The following DCC variants were observed in gnomAD, a reference collection of about 807,000 sequenced individuals.
DCC encodes the protein DCC netrin 1 receptor.
In DCC, 58 loss-of-function variants were observed where a neutral mutation model predicts 172.5. The observed-to-expected ratio is 0.34, with a 90% CI of 0.27 to 0.42. The LOEUF (loss-of-function observed/expected upper bound fraction) is 0.42, where lower values mean the gene tolerates loss of function less well. DCC is among the 10% of genes least tolerant of loss of function. The pLI, the probability that DCC is intolerant of heterozygous loss-of-function variation, is 1.00. For synonymous variants in DCC, 709 were observed against 644.5 expected (o/e 1.10, Z -1.52); for missense variants, 1,740 against 1,791.0 (o/e 0.97, Z 0.51).
chr18:52,814,356 C>G (rs994625612), intron 2 of DCC, among the ~76,000 whole-genome samples: 2 of 152,194 alleles, frequency 1.3e-5, no homozygotes, highest in African/African-American at 4.8e-5. Flanking sequence ...TGACAAGTTT[C>G]CATCTTGACT....
chr18:53,164,172 A>T (rs959397829), intron 8 of DCC, among the ~76,000 whole-genome samples: 2 of 152,140 alleles, frequency 1.3e-5, no homozygotes, highest in Admixed American at 6.5e-5. Flanking sequence ...CATTCCAATA[A>T]TTTTTTGACT....
intron 21 of DCC, among the ~76,000 whole-genome samples, chr18:53,429,531 T>G (rs1048678432): frequency 3.3e-5 from 5 of 151,986 alleles, no homozygotes; most frequent in Non-Finnish European, 1.5e-5. Context: ...TCAGGAAGAG[T>G]CTAACCTGTT....
At chr18:52,483,121 C>T (rs1016955298) in intron 1 of DCC, among the ~76,000 whole-genome samples, 1 of 152,074 alleles carries the variant, frequency 6.6e-6, no homozygotes, top group Non-Finnish European at 1.5e-5. Context: ...CTTCATATGG[C>T]CTTCTCTCCT....
intron 2 of DCC, among the ~76,000 whole-genome samples, chr18:52,889,497 T>C (rs1350619850): frequency 6.6e-6 from 1 of 152,126 alleles, no homozygotes; most frequent in East Asian, 1.9e-4. Context: ...GCTTATAGAA[T>C]GATTTTGGAC....
chr18:53,259,181 C>T lies in DCC; in HGVS notation c.1911+43584C>T, dbSNP rs527492991. On this transcript the variant is annotated intron_variant, in intron 12 of 28. Transcript: ENST00000442544. Reference sequence around the variant, plus strand: ...CTTTATCCAATTTGCCAGTCTGTGTCTTTTAATTGGAGCATTTAGCCCATT... The same window carrying T: ...CTTTATCCAATTTGCCAGTCTGTGTTTTTTAATTGGAGCATTTAGCCCATT... Among the ~76,000 whole-genome samples the T allele has an allele frequency of 1.3e-3, 194 of 151,966 alleles. 1 individual carries two copies. The highest frequency in any genetic ancestry group is 4.1e-3 in the African/African-American group (172 of 41,468).
chr18:52,567,541 C>T (rs1243536038), intron 1 of DCC, among the ~76,000 whole-genome samples: 1 of 152,096 alleles, frequency 6.6e-6, no homozygotes, highest in Non-Finnish European at 1.5e-5. Flanking sequence ...GAAGTGAGGT[C>T]TCAAACTCGT....
chr18:53,258,792 A>G (rs899533225), intron 12 of DCC, among the ~76,000 whole-genome samples: 6 of 152,020 alleles, frequency 3.9e-5, no homozygotes, highest in Non-Finnish European at 5.9e-5. Context: ...TCTTTGATCT[A>G]TCTAATGTTG....
chr18:53,171,921 A>G (rs908101909), intron 8 of DCC, among the ~76,000 whole-genome samples: 1 of 152,146 alleles, frequency 6.6e-6, no homozygotes, highest in Non-Finnish European at 1.5e-5. Context: ...ATGCTTATAC[A>G]TTGTTGGCAG....
intron 7 of DCC, among the ~76,000 whole-genome samples, chr18:53,079,517 C>G (rs2042769206): frequency 6.6e-6 from 1 of 152,074 alleles, no homozygotes. Context: ...ATGAAACATC[C>G]TAGAAAAAGT....
At chr18:53,022,862 T>C (rs1246365739) in intron 5 of DCC, among the ~76,000 whole-genome samples, 4 of 151,948 alleles carry the variant, frequency 2.6e-5, no homozygotes, top group Non-Finnish European at 5.9e-5. Flanking sequence ...CAATAATAAG[T>C]TTTGTATTAT....
chr18:52,436,791 G>A (rs546405986), intron 1 of DCC, among the ~76,000 whole-genome samples: 3 of 152,188 alleles, frequency 2.0e-5, no homozygotes, highest in South Asian at 4.1e-4. Context: ...ATGGTGGTAC[G>A]CACCAGTAGT....
intron 1 of DCC, among the ~76,000 whole-genome samples, chr18:52,597,569 C>T (rs1177748182): frequency 6.6e-6 from 1 of 152,124 alleles, no homozygotes; most frequent in Non-Finnish European, 1.5e-5. Flanking sequence ...GAATTTAAGG[C>T]GAAGGCAAGG....
chr18:53,299,161 G>A (rs1487656353), intron 12 of DCC, among the ~76,000 whole-genome samples: 1 of 152,206 alleles, frequency 6.6e-6, no homozygotes, highest in East Asian at 1.9e-4. Context: ...TGGGGAAGAA[G>A]GGAATAGATG....
chr18:53,111,345 C>T (rs1278558627), intron 7 of DCC, among the ~76,000 whole-genome samples: 3 of 148,912 alleles, frequency 2.0e-5, no homozygotes, highest in Non-Finnish European at 4.5e-5. Context: ...CACATGTATA[C>T]ATATGTAACT....
At chr18:53,380,710 A>G (rs55792100) in intron 15 of DCC, among the ~76,000 whole-genome samples, 69,300 of 151,630 alleles carry the variant, frequency 0.46, 16,738 homozygotes, top group Non-Finnish European at 0.54. Context: ...CTTTAGAAAA[A>G]CCATTGACCT....
At position 53,104,899 on chromosome 18, in the gene DCC, G is replaced by T. The variant is rs2043222889; in HGVS notation, c.1261+38733G>T. On this transcript the variant is annotated intron_variant, in intron 7 of 28. Coordinates refer to ENST00000442544, the MANE Select transcript of DCC (RefSeq NM_005215.4). ...GTGCAGTCTCCTAGAGAGGTTCTAT[G>T]CAAATTCAATTTCACCCTTAACACA... Among the ~76,000 whole-genome samples, 3 of 152,112 alleles carry T rather than the reference G, an allele frequency of 2.0e-5. No individual in the cohort carries two copies. In the South Asian group the frequency reaches 6.2e-4, roughly 32 times the overall value.
At chr18:52,503,256 A>G (rs550548031) in intron 1 of DCC, among the ~76,000 whole-genome samples, 5 of 152,246 alleles carry the variant, frequency 3.3e-5, no homozygotes, top group African/African-American at 1.2e-4. Flanking sequence ...TTAAACTAGG[A>G]CACTCTCGAG....
intron 2 of DCC, among the ~76,000 whole-genome samples, chr18:52,811,734 A>T (rs2038205020): frequency 1.3e-5 from 2 of 152,156 alleles, no homozygotes; most frequent in African/African-American, 4.8e-5. Flanking sequence ...TTTATCGAAG[A>T]TCTGAATAGA....
intron 1 of DCC, among the ~76,000 whole-genome samples, chr18:52,633,381 C>A (rs1312453578): frequency 6.6e-6 from 1 of 152,148 alleles, no homozygotes; most frequent in Non-Finnish European, 1.5e-5. Flanking sequence ...CTTTTTATTT[C>A]TTTCTGGAGG....
Sources: gnomAD v4.1 joint callset for allele counts (sites outside exome capture counted in the v4.1 genomes callset) on GRCh38, gnomAD v4.1.1 for gene constraint, MANE v1.5 for transcripts, NCBI Gene and HGNC (gene_info 2026-07-23, HGNC 2026-07-21) for gene names.